SMCO2: variants seen among roughly 807,000 people sequenced by gnomAD.
SMCO2 encodes the protein single-pass membrane and coiled-coil domain-containing protein 2.
SMCO2 carries 25 observed loss-of-function variants against 29.5 expected under a neutral mutation model. The ratio of observed to expected loss-of-function variants is 0.85; its 90% CI spans 0.62 to 1.18. The LOEUF (loss-of-function observed/expected upper bound fraction) is 1.18. Among genes scored for constraint, SMCO2 ranks in the 50% most tolerant of loss-of-function variants. The probability of loss-of-function intolerance (pLI) is 0.00; values close to 1 mark genes in which losing one functional copy is unlikely to be tolerated. For missense variants in SMCO2, 348 were observed against 344.5 expected (o/e 1.01, Z -0.08); for synonymous variants, 117 against 123.3 (o/e 0.95, Z 0.34).
chr12:27,430,176 C>T, the SMCO2 span, among the ~76,000 whole-genome samples: 1 of 152,042 alleles, frequency 6.6e-6, no homozygotes, highest in African/African-American at 2.4e-5. Context: ...TTCTGGTACT[C>T]GTTTTGAAAT....
the SMCO2 span, among the ~76,000 whole-genome samples, chr12:27,458,068 A>G: frequency 6.6e-6 from 1 of 152,254 alleles, no homozygotes; most frequent in Non-Finnish European, 1.5e-5. Flanking sequence ...TTGTATGCAG[A>G]AAAGGCTAAT....
Position 27,494,486 on chromosome 12 carries a change from A to ATTTATT in SMCO2, c.507+131_507+136dup, listed in dbSNP as rs1565682889. 3 of 141,248 alleles carry ATTTATT rather than the reference A, an allele frequency of 2.1e-5. No homozygotes were observed. In the East Asian group the frequency reaches 4.2e-4, roughly 20 times the overall value. The allele number at this position is 141,248 out of a possible 1,614,324, so 8.7% of individuals were successfully genotyped here. ...GTCTCTTTCTTTTTTATTTAATTTAATTTATTATTATTATTATTATTATTA... is the reference window on the plus strand; with the variant it reads ...GTCTCTTTCTTTTTTATTTAATTTAATTTATTTTTATTATTATTATTATTATTATTA... On this transcript the variant is annotated intron_variant, in intron 6 of 7. Coordinates refer to ENST00000298876, the Ensembl canonical transcript of SMCO2.
At chr12:27,478,015 G>A (rs1949605289) in intron 4 of SMCO2, among the ~76,000 whole-genome samples, 1 of 152,014 alleles carries the variant, frequency 6.6e-6, no homozygotes, top group Admixed American at 6.5e-5. Context: ...TATACATCTG[G>A]TGTAATAGTC....
At chr12:27,424,286 T>C in the SMCO2 span, 3 of 152,214 alleles carry the variant, frequency 2.0e-5, no homozygotes, top group Admixed American at 2.0e-4. Context: ...TATTGATCCT[T>C]GAATCTGTAA....
the SMCO2 span, among the ~76,000 whole-genome samples, chr12:27,449,462 A>G: frequency 6.6e-6 from 1 of 152,240 alleles, no homozygotes; most frequent in Admixed American, 6.5e-5. Context: ...TAATTGTGAG[A>G]AACACAGGAA....
the SMCO2 span, among the ~76,000 whole-genome samples, chr12:27,429,192 AT>A: frequency 6.6e-6 from 1 of 151,940 alleles, no homozygotes; most frequent in Non-Finnish European, 1.5e-5. Context: ...TGCTTTTTAA[AT>A]TTTTTTTCTG....
At chr12:27,449,122 G>T in the SMCO2 span, among the ~76,000 whole-genome samples, 2 of 152,144 alleles carry the variant, frequency 1.3e-5, no homozygotes, top group African/African-American at 4.8e-5. Flanking sequence ...AAGTGTTCTA[G>T]ACTGGCTAAA....
At chr12:27,428,151 A>G in the SMCO2 span, among the ~76,000 whole-genome samples, 1 of 151,932 alleles carries the variant, frequency 6.6e-6, no homozygotes, top group Non-Finnish European at 1.5e-5. Context: ...GAGGTTGGGA[A>G]TACTCCTGAG....
chr12:27,472,491 A>G (rs392967), intron 2 of SMCO2, among the ~76,000 whole-genome samples: 114,787 of 151,526 alleles, frequency 0.76, 43,705 homozygotes, highest in Middle Eastern at 0.88. Context: ...GTGCACACTC[A>G]TTTATACATA....
the SMCO2 span, among the ~76,000 whole-genome samples, chr12:27,456,316 A>T: frequency 6.6e-6 from 1 of 152,264 alleles, no homozygotes; most frequent in Non-Finnish European, 1.5e-5. Context: ...GGAAGAATGC[A>T]CATCAATATA....
chr12:27,454,428 T>C, the SMCO2 span, among the ~76,000 whole-genome samples: 8 of 152,230 alleles, frequency 5.3e-5, no homozygotes, highest in Non-Finnish European at 1.0e-4. Context: ...CACCTCTGCA[T>C]CCAATTATTT....
In SMCO2 at chr12:27,492,250, C is replaced by CT. The variant is rs200771878; in HGVS notation, c.451-2042dup. On this transcript the variant is annotated intron_variant, in intron 5 of 7. Transcript: ENST00000298876. ...TTCTATGCTAGTAGATGTCGTTTTA[C>CT]TTTTTTTTCACTCCTATATAATGCA... Among the ~76,000 whole-genome samples the CT allele has an allele frequency of 7.9e-3, 1,201 of 151,948 alleles. 17 individuals are homozygous for CT. The highest frequency in any genetic ancestry group is 0.027 in the African/African-American group (1,122 of 41,430).
chr12:27,470,325 T>A (rs1395942579), intron 1 of SMCO2, among the ~76,000 whole-genome samples: 3 of 152,194 alleles, frequency 2.0e-5, no homozygotes, highest in Admixed American at 2.0e-4. Context: ...AAAGTTCCCA[T>A]TCTTCCAGGC....
the SMCO2 span, among the ~76,000 whole-genome samples, chr12:27,454,755 GTGA>G: frequency 6.6e-6 from 1 of 152,114 alleles, no homozygotes; most frequent in African/African-American, 2.4e-5. Context: ...GCCCCAGTGT[GTGA>G]TGTTCCCCTT....
intron 5 of SMCO2, among the ~76,000 whole-genome samples, chr12:27,489,655 G>A (rs1483700519): frequency 6.6e-6 from 1 of 152,162 alleles, no homozygotes; most frequent in Non-Finnish European, 1.5e-5. Flanking sequence ...TTACAGATCA[G>A]TGCAAATCTA....
At position 27,485,971 on chromosome 12, in the gene SMCO2, C is replaced by T. The variant is rs1361913635; in HGVS notation, c.363-2489C>T. On this transcript the variant is annotated intron_variant, in intron 4 of 7. Transcript: ENST00000298876. ...TAATTATTGTAGGGCAGGACCAAAG[C>T]AGCCTTTAGTCTAGGACTAATACGG... Among the ~76,000 whole-genome samples, 27 of 152,336 alleles carry T rather than the reference C, an allele frequency of 1.8e-4. No individual in the cohort carries two copies. In the East Asian group the frequency reaches 4.1e-3, roughly 23 times the overall value.
chr12:27,427,826 G>T, the SMCO2 span, among the ~76,000 whole-genome samples: 2 of 152,180 alleles, frequency 1.3e-5, no homozygotes, highest in East Asian at 3.8e-4. Flanking sequence ...CATAAACGCA[G>T]AGCCAAGTAA....
At chr12:27,465,973 GT>G (rs1450674204), upstream of SMCO2, among the ~76,000 whole-genome samples, 1 of 152,190 alleles carries the variant, frequency 6.6e-6, no homozygotes, top group African/African-American at 2.4e-5. Context: ...TGGGTGCCGA[GT>G]TCACCAAGAA....
At chr12:27,496,729 A>G (rs1465014011) in intron 7 of SMCO2, among the ~76,000 whole-genome samples, 1 of 150,702 alleles carries the variant, frequency 6.6e-6, no homozygotes, top group East Asian at 1.9e-4. Flanking sequence ...ATTTTAAAGA[A>G]TTGGGTTGTT....
Sources: gnomAD v4.1 joint callset for allele counts (sites outside exome capture counted in the v4.1 genomes callset) on GRCh38, gnomAD v4.1.1 for gene constraint, MANE v1.5 for transcripts, NCBI Gene and HGNC (gene_info 2026-07-23, HGNC 2026-07-21) for gene names.